UBAP1: variants seen among roughly 807,000 people sequenced by gnomAD.
UBAP1 encodes the protein ubiquitin-associated protein 1.
In UBAP1, 5 loss-of-function variants were observed where a neutral mutation model predicts 39.0. The observed-to-expected ratio is 0.13, with a 90% CI of 0.07 to 0.27. The LOEUF is 0.27. Ranked by LOEUF, UBAP1 falls within the 10% of genes least tolerant of loss-of-function variation. The pLI is 1.00. For missense variants in UBAP1, 490 were observed against 608.1 expected, an observed-to-expected ratio of 0.81 and a Z score of 2.04; for synonymous variants, 211 against 225.1, an observed-to-expected ratio of 0.94 and a Z score of 0.56.
intron 2 of UBAP1, chr9:34,224,192 T>G: frequency 1.8e-6 from 1 of 553,190 alleles, no homozygotes; most frequent in Non-Finnish European, 3.2e-6. Context: ...TTTAGATCAT[T>G]TTTTGTTTAA....
chr9:34,199,670 G>A (rs1831258644), intron 1 of UBAP1, among the ~76,000 whole-genome samples: 1 of 148,124 alleles, frequency 6.8e-6, no homozygotes, highest in African/African-American at 2.5e-5. Context: ...GTCTCATTGT[G>A]TCTCCCCAGG....
chr9:34,246,875 A>G (rs1834204057), intron 4 of UBAP1, among the ~76,000 whole-genome samples: 1 of 152,384 alleles, frequency 6.6e-6, no homozygotes, highest in African/African-American at 2.4e-5. Context: ...TAATTTGGAA[A>G]GATTTCATAA....
chr9:34,220,523 C>T (rs1832703392), intron 1 of UBAP1: 1 of 165,226 alleles, frequency 6.1e-6, no homozygotes, highest in Admixed American at 6.2e-5. Flanking sequence ...ACAGGGTCTC[C>T]CTATGTTGCC....
At chr9:34,245,759 C>G (rs898094113) in intron 4 of UBAP1, among the ~76,000 whole-genome samples, 1 of 115,328 alleles carries the variant, frequency 8.7e-6, no homozygotes, top group Non-Finnish European at 1.8e-5. Flanking sequence ...GTCTGAGCCC[C>G]TCTTAGGGAT....
intron 1 of UBAP1, among the ~76,000 whole-genome samples, chr9:34,190,441 C>T (rs1830649835): frequency 6.6e-6 from 1 of 151,998 alleles, no homozygotes; most frequent in African/African-American, 2.4e-5. Context: ...AGGCCCTTGC[C>T]ACCATGCCTG....
intron 1 of UBAP1, among the ~76,000 whole-genome samples, chr9:34,199,003 T>C (rs963460599): frequency 6.6e-6 from 1 of 152,234 alleles, no homozygotes; most frequent in African/African-American, 2.4e-5. Context: ...TAATTACTAA[T>C]TGACATTTCT....
chr9:34,207,458 A>C (rs916136612), intron 1 of UBAP1, among the ~76,000 whole-genome samples: 3 of 151,110 alleles, frequency 2.0e-5, no homozygotes, highest in Non-Finnish European at 4.4e-5. Flanking sequence ...GCAAATTTGT[A>C]TAGCAACTTA....
At chr9:34,233,094 C>T (rs1407466750) in intron 2 of UBAP1, among the ~76,000 whole-genome samples, 3 of 152,214 alleles carry the variant, frequency 2.0e-5, no homozygotes, top group Admixed American at 1.3e-4. Flanking sequence ...GGCTTGTGCT[C>T]CTGATGATCT....
At chr9:34,185,191 C>T (rs993722393) in intron 1 of UBAP1, among the ~76,000 whole-genome samples, 12 of 152,188 alleles carry the variant, frequency 7.9e-5, no homozygotes, top group Non-Finnish European at 1.8e-4. Context: ...GCCTCGGCCT[C>T]CCAAAGTGCT....
At chr9:34,213,145 C>T (rs1832108987) in intron 1 of UBAP1, among the ~76,000 whole-genome samples, 1 of 152,108 alleles carries the variant, frequency 6.6e-6, no homozygotes, top group South Asian at 2.1e-4. Flanking sequence ...TGACAAAATC[C>T]AGCATCCCTT....
chr9:34,242,098 C>T lies in UBAP1; in HGVS notation c.1073C>T (p.Thr358Ile). The change falls in exon 4 of 7, where the codon ACT becomes ATT. Residue 358 changes from threonine (T) to isoleucine (I), a missense_variant. Physicochemically the swap from Thr to Ile is moderately conservative, Grantham distance 89. Around this residue, in one of 3 missense-constraint regions of UBAP1, gnomAD observed 339 missense variants for 390.0 expected, o/e 0.87. Coordinates refer to ENST00000297661, the MANE Select transcript of UBAP1 (RefSeq NM_016525.5). ...ACAGAGGAATCATCACCTCCAAATA[C>T]TGGTCCCACGGTAAGTCTTTTAAAT... ...VCTEESSPPNTGPTVTPPNFS... is the reference protein window; with the variant it reads ...VCTEESSPPNIGPTVTPPNFS... 1 of 1,593,430 alleles carries T rather than the reference C, an allele frequency of 6.3e-7. No individual in the cohort carries two copies. Among genetic ancestry groups the T allele is most frequent in the Non-Finnish European group, 8.6e-7 (1 of 1,163,844 alleles).
At chr9:34,204,197 C>G (rs1831553600) in intron 1 of UBAP1, among the ~76,000 whole-genome samples, 1 of 152,082 alleles carries the variant, frequency 6.6e-6, no homozygotes, top group Non-Finnish European at 1.5e-5. Context: ...TGTGATGGCC[C>G]ACGCCTGTAA....
chr9:34,184,750 G>A lies in UBAP1; in HGVS notation c.-8+5510G>A, dbSNP rs1204568841. Among the ~76,000 whole-genome samples, 7 of 151,082 alleles carry A rather than the reference G, an allele frequency of 4.6e-5. No individual in the cohort carries two copies. In the South Asian group the frequency reaches 1.3e-3, roughly 27 times the overall value. On this transcript the variant is annotated intron_variant, in intron 1 of 6. Transcript: ENST00000297661. ...AGATTCTCCTGCCTCAGCCTCCTGA[G>A]TAGCTGGGACTACAGATGGTGTGCC...
chr9:34,182,623 CTT>C (rs1491204880), intron 1 of UBAP1, among the ~76,000 whole-genome samples: 2 of 34,958 alleles, frequency 5.7e-5, no homozygotes, highest in East Asian at 9.1e-4. Context: ...TTCCTTCTTT[CTT>C]TCTTTCTTTC....
chr9:34,220,848 A>C (rs762870865), intron 1 of UBAP1, 60 bp from the exon 2 acceptor site: 50 of 1,511,516 alleles, frequency 3.3e-5, no homozygotes, highest in Non-Finnish European at 4.3e-5. Context: ...TGTACTCTCA[A>C]TTTTCTTCGT....
At chr9:34,250,264 T>G (rs1457472235) in intron 5 of UBAP1, among the ~76,000 whole-genome samples, 1 of 152,218 alleles carries the variant, frequency 6.6e-6, no homozygotes, top group African/African-American at 2.4e-5. Flanking sequence ...AAATGTCTCT[T>G]TCCAGGAATT....
chr9:34,218,903 A>C (rs1832499990), intron 1 of UBAP1, among the ~76,000 whole-genome samples: 1 of 152,076 alleles, frequency 6.6e-6, no homozygotes, highest in Non-Finnish European at 1.5e-5. Flanking sequence ...ACTGCACTCC[A>C]GCCTGGGTGA....
intron 1 of UBAP1, among the ~76,000 whole-genome samples, chr9:34,195,926 GGTTTTTTTTT>G (rs1831015289): frequency 2.3e-5 from 1 of 42,570 alleles, no homozygotes; most frequent in Non-Finnish European, 4.2e-5. Context: ...CAAATTTTTT[GGTTTTTTTTT>G]TTTTTTTTTT....
At chr9:34,218,250 C>CAAAAAAAAAAAAAAAAAAAAAAAA (rs758443973) in intron 1 of UBAP1, among the ~76,000 whole-genome samples, 1 of 49,506 alleles carries the variant, frequency 2.0e-5, no homozygotes, top group Non-Finnish European at 3.4e-5. Flanking sequence ...GACTCCATCT[C>CAAAAAAAAAAAAAAAAAAAAAAAA]AAAAAAAAAA....
Sources: gnomAD v4.1 joint callset for allele counts (sites outside exome capture counted in the v4.1 genomes callset) on GRCh38, gnomAD v4.1.1 for gene constraint, gnomAD v4.1.1 regional missense constraint, MANE v1.5 for transcripts, NCBI Gene and HGNC (gene_info 2026-07-23, HGNC 2026-07-21) for gene names.